The following CEP170 variants were observed in gnomAD, a reference collection of about 807,000 sequenced individuals.
CEP170 encodes centrosomal protein of 170 kDa.
A neutral mutation model predicts 151.9 loss-of-function variants in CEP170; 21 were observed. The ratio of observed to expected loss-of-function variants is 0.14; its 90% CI spans 0.10 to 0.20. The LOEUF (loss-of-function observed/expected upper bound fraction) is 0.20, where lower values mean the gene tolerates loss of function less well. Among genes scored for constraint, CEP170 ranks in the 10% least tolerant of loss-of-function variants. The pLI is 1.00. For missense variants in CEP170, 964 were observed against 1,892.9 expected (o/e 0.51, Z 9.11); for synonymous variants, 356 against 648.8 (o/e 0.55, Z 6.86).
At chr1:243,199,258 A>T in intron 6 of CEP170, 64 bp from the exon 7 acceptor site, 1 of 1,553,828 alleles carries the variant, frequency 6.4e-7, no homozygotes, top group Admixed American at 1.9e-5. Context: ...ACTTTCGCAG[A>T]ATGCTAGAAC....
At chr1:243,195,868 C>T (rs1204504297) in intron 7 of CEP170, among the ~76,000 whole-genome samples, 1 of 151,838 alleles carries the variant, frequency 6.6e-6, no homozygotes, top group Non-Finnish European at 1.5e-5. Context: ...GTAATATCCT[C>T]ATACTAACAT....
At position 243,164,350 on chromosome 1, in the gene CEP170, T is replaced by C. The variant is rs577026549; in HGVS notation, c.3610A>G (p.Asn1204Asp). 17 of 1,534,288 alleles carry C rather than the reference T, an allele frequency of 1.1e-5. No individual in the cohort carries two copies. The highest frequency in any genetic ancestry group is 1.4e-5 in the African/African-American group (1 of 72,514). ...GAGTCTGAGAGTCGAGAGATACTGT[T>C]AGCTCTAATTCTAGGAGAAAATTTA... ...SDKFSPRIRA[N>D]SISRLSDSKV... is the part of the protein sequence containing the mutation. The change falls in exon 13 of 20, where the codon AAC (asparagine) becomes GAC (aspartate). Residue 1204 changes from asparagine (N) to aspartate (D), a missense_variant. By Grantham distance (23) the Asn-to-Asp change is conservative (BLOSUM62 1). Coordinates refer to ENST00000366542, the MANE Select transcript of CEP170 (RefSeq NM_014812.3).
chr1:243,243,920 G>T (rs931789201), intron 1 of CEP170, among the ~76,000 whole-genome samples: 38 of 151,860 alleles, frequency 2.5e-4, no homozygotes, highest in Non-Finnish European at 5.1e-4. Context: ...TGTCAATTTA[G>T]CTACCTGTTT....
chr1:243,192,716 G>C (rs1245922695), intron 7 of CEP170, among the ~76,000 whole-genome samples: 1 of 152,184 alleles, frequency 6.6e-6, no homozygotes, highest in Non-Finnish European at 1.5e-5. Flanking sequence ...ATTTTAGTGG[G>C]ATCTGTCAGG....
At chr1:243,217,962 G>A (rs984840827) in intron 3 of CEP170, among the ~76,000 whole-genome samples, 3 of 152,272 alleles carry the variant, frequency 2.0e-5, no homozygotes, top group Non-Finnish European at 2.9e-5. Context: ...ACCAGCTCCC[G>A]AAATTCCTCC....
intron 2 of CEP170, among the ~76,000 whole-genome samples, chr1:243,222,205 A>C (rs986114085): frequency 1.3e-5 from 2 of 152,176 alleles, no homozygotes; most frequent in African/African-American, 4.8e-5. Context: ...TCTTCTTTCA[A>C]AACAAAAAAT....
chr1:243,194,941 G>GT (rs1240909686), intron 7 of CEP170, among the ~76,000 whole-genome samples: 1 of 151,488 alleles, frequency 6.6e-6, no homozygotes, highest in South Asian at 2.1e-4. Flanking sequence ...TGTTCTTAAG[G>GT]TATTTTATGA....
intron 4 of CEP170, among the ~76,000 whole-genome samples, chr1:243,205,136 TC>T (rs1480492537): frequency 6.6e-6 from 1 of 151,694 alleles, no homozygotes; most frequent in African/African-American, 2.4e-5. Flanking sequence ...AAGTCAAGAG[TC>T]CAAGCAAATC....
chr1:243,252,062 G>T (rs1017236379), intron 1 of CEP170, among the ~76,000 whole-genome samples: 30 of 151,992 alleles, frequency 2.0e-4, no homozygotes, highest in African/African-American at 7.0e-4. Context: ...TAGAAATTTT[G>T]GTTATTAATG....
chr1:243,240,213 G>C (rs909999808), intron 1 of CEP170, among the ~76,000 whole-genome samples: 1 of 152,306 alleles, frequency 6.6e-6, no homozygotes, highest in Non-Finnish European at 1.5e-5. Flanking sequence ...AGGAGGCTGA[G>C]GTAGGAGAAT....
chr1:243,171,260 A>G (rs2058823577), intron 11 of CEP170, among the ~76,000 whole-genome samples: 1 of 152,190 alleles, frequency 6.6e-6, no homozygotes, highest in African/African-American at 2.4e-5. Context: ...AATTCTCCCA[A>G]TCACAGGGAA....
At chr1:243,198,407 A>G (rs1486332104) in intron 7 of CEP170, among the ~76,000 whole-genome samples, 1 of 152,110 alleles carries the variant, frequency 6.6e-6, no homozygotes, top group East Asian at 1.9e-4. Context: ...GCCAAACTCA[A>G]CTAATCTTGT....
rs781373957 is a variant in CEP170 at position 243,200,859 on chromosome 1, T to C, written c.275-24A>G. The C allele has an allele frequency of 4.4e-6, 7 of 1,588,706 alleles. No homozygotes were observed. The African/African-American group carries it at 9.5e-5, about 22-fold the overall frequency. Reference sequence around the variant, plus strand: ...ATGTAAACGGGGCTAAGGAAGAATATAACCTCAAATTTCTGATAATTGAGC... The same window carrying C: ...ATGTAAACGGGGCTAAGGAAGAATACAACCTCAAATTTCTGATAATTGAGC... On this transcript the variant is annotated intron_variant, in intron 4 of 19. Coordinates refer to ENST00000366542, the MANE Select transcript of CEP170 (RefSeq NM_014812.3).
intron 1 of CEP170, among the ~76,000 whole-genome samples, chr1:243,229,438 C>G (rs1371683057): frequency 6.6e-6 from 1 of 151,990 alleles, no homozygotes; most frequent in Non-Finnish European, 1.5e-5. Flanking sequence ...AAAAAAAGGC[C>G]AAGAAGATAG....
chr1:243,168,440 T>C (rs2058599940), intron 12 of CEP170: 1 of 151,986 alleles, frequency 6.6e-6, no homozygotes, highest in South Asian at 2.1e-4. Context: ...CTTGGATAAG[T>C]TTTTTAATTG....
intron 14 of CEP170, among the ~76,000 whole-genome samples, chr1:243,152,364 G>GGCGCCCGCCACC (rs1209553762): frequency 1.3e-5 from 2 of 151,362 alleles, no homozygotes; most frequent in Non-Finnish European, 1.5e-5. Context: ...TGAGACTACA[G>GGCGCCCGCCACC]GCGCCCGCCA....
intron 14 of CEP170, among the ~76,000 whole-genome samples, chr1:243,144,708 A>G (rs558687968): frequency 1.1e-4 from 16 of 152,328 alleles, no homozygotes; most frequent in Admixed American, 5.2e-4. Flanking sequence ...TCCACATGTG[A>G]TATAGTAAAA....
At chr1:243,246,531 CT>C (rs1176305020) in intron 1 of CEP170, among the ~76,000 whole-genome samples, 2 of 152,004 alleles carry the variant, frequency 1.3e-5, no homozygotes, top group African/African-American at 4.8e-5. Flanking sequence ...TGGGCCCGGC[CT>C]GTTGTTTACA....
At chr1:243,197,087 C>A (rs1169704779) in intron 7 of CEP170, among the ~76,000 whole-genome samples, 2 of 151,856 alleles carry the variant, frequency 1.3e-5, no homozygotes, top group Admixed American at 1.3e-4. Context: ...GTTTCTTGAA[C>A]AAAGAAAATA....
Sources: gnomAD v4.1 joint callset for allele counts (sites outside exome capture counted in the v4.1 genomes callset) on GRCh38, gnomAD v4.1.1 for gene constraint, MANE v1.5 for transcripts, NCBI Gene and HGNC (gene_info 2026-07-23, HGNC 2026-07-21) for gene names.